Variants in SHBG observed in about 807,000 individuals in gnomAD.
SHBG encodes sex hormone binding globulin, also known as sex hormone-binding globulin.
A neutral mutation model predicts 41.9 loss-of-function variants in SHBG; 37 were observed. The ratio of observed to expected loss-of-function variants is 0.88; its 90% CI spans 0.68 to 1.16. SHBG has a LOEUF of 1.16. SHBG is among the 50% of genes most tolerant of loss of function. The pLI is 0.00. For missense variants in SHBG, 466 were observed against 499.9 expected (o/e 0.93, Z 0.65); for synonymous variants, 217 against 205.8 (o/e 1.05, Z -0.47).
At chr17:7,614,252 G>A (rs1463023252) in intron 1 of SHBG, 2 of 687,524 alleles carry the variant, frequency 2.9e-6, no homozygotes, top group Middle Eastern at 3.6e-4. Context: ...AGCAGGTGCA[G>A]GTGCCTTAGA....
At chr17:7,625,576 C>CA (rs973481317), upstream of SHBG, among the ~76,000 whole-genome samples, 195 of 146,436 alleles carry the variant, frequency 1.3e-3, no homozygotes, top group African/African-American at 4.7e-3. Flanking sequence ...GACTCTGTCT[C>CA]AAAAAAAATA....
chr17:7,631,296 C>T lies in SHBG; in HGVS notation c.490C>T (p.Arg164Cys), dbSNP rs368589266. 7 of 1,613,744 alleles carry T rather than the reference C, an allele frequency of 4.3e-6. No homozygotes were observed. Among genetic ancestry groups the T allele is most frequent in the Admixed American group, 1.7e-5 (1 of 59,970 alleles). ...GGTCTCTGGGCCCCTGACCAGCAAACGCCATCCCATCATGAGGATTGCGCT... is the reference window on the plus strand; with the variant it reads ...GGTCTCTGGGCCCCTGACCAGCAAATGCCATCCCATCATGAGGATTGCGCT... ...RQVSGPLTSK[R>C]HPIMRIALGG... The change falls in exon 4 of 8, where the codon CGC (arginine) becomes TGC (cysteine). Residue 164 changes from arginine (R) to cysteine (C), a missense_variant. Physicochemically the swap from Arg to Cys is radical, Grantham distance 180 (BLOSUM62 -3). Transcript: ENST00000380450.
At chr17:7,615,846 AAAAG>A (rs1034584604) in intron 1 of SHBG, among the ~76,000 whole-genome samples, 19 of 151,246 alleles carry the variant, frequency 1.3e-4, no homozygotes, top group South Asian at 2.1e-4. Flanking sequence ...AAAAAAAAAA[AAAAG>A]AAAGAAAGAA....
At chr17:7,622,429 C>T (rs534717864) in intron 1 of SHBG, among the ~76,000 whole-genome samples, 31 of 151,914 alleles carry the variant, frequency 2.0e-4, no homozygotes, top group Non-Finnish European at 3.5e-4. Flanking sequence ...CCCACCACCA[C>T]GCCCAGCTAA....
intron 1 of SHBG, among the ~76,000 whole-genome samples, chr17:7,617,476 G>A (rs1021936897): frequency 1.3e-5 from 2 of 151,888 alleles, no homozygotes; most frequent in African/African-American, 2.4e-5. Flanking sequence ...GGTGGCACGC[G>A]CTTGTAGTCC....
upstream of SHBG, chr17:7,627,548 GT>G (rs2072255668): frequency 2.9e-5 from 46 of 1,607,472 alleles, no homozygotes; most frequent in Non-Finnish European, 3.8e-5. This position sits in a 1 kb window ranked among gnomAD's most constrained non-coding sequence, Gnocchi z 4.8. Context: ...TGACCCCCGG[GT>G]TACCGGCCTG....
upstream of SHBG, among the ~76,000 whole-genome samples, chr17:7,623,796 C>T (rs1222251215): frequency 1.3e-5 from 2 of 152,116 alleles, no homozygotes; most frequent in Non-Finnish European, 2.9e-5. Context: ...AGGTCTCACT[C>T]TGTCACTCAG....
upstream of SHBG, chr17:7,626,476 C>G (rs775731181): frequency 9.3e-6 from 15 of 1,613,984 alleles, no homozygotes; most frequent in Non-Finnish European, 1.2e-5. Flanking sequence ...CTCGTTGCCT[C>G]TCCTTGAAAG....
rs1338931638 is a variant in SHBG at position 7,630,727 on chromosome 17, T to C, written c.251T>C (p.Ile84Thr). The C allele has an allele frequency of 6.2e-6, 10 of 1,614,026 alleles. No individual in the cohort carries two copies. In the Admixed American group the frequency reaches 1.7e-4, roughly 27 times the overall value. Residue 84 changes from isoleucine (I) to threonine (T), a missense_variant, in exon 3 of 8, where the codon ATT (isoleucine) becomes ACT (threonine). Transcript: ENST00000380450. The surrounding 1 kb of genome is among the most constrained non-coding windows in gnomAD (Gnocchi z 4.6). ...CGAACCTGGGACCCAGAGGGAGTGA[T>C]TTTTTATGGGGATACCAACCCTAAG... ...EVRTWDPEGV[I>T]FYGDTNPKDD...
Position 7,616,294 on chromosome 17 carries a change from A to G in SHBG, c.-62+2183A>G, listed in dbSNP as rs367782676. ...CCACCACACTCCAGCCTGGGCAATG[A>G]GTGAAATTTCTTCTTTAAAAATAAT... On this transcript the variant is annotated intron_variant, in intron 1 of 5. Transcript: ENST00000570547. 3.4e-5 allele frequency among the ~76,000 whole-genome samples: 5 copies of G among 148,764 alleles called. No homozygotes were observed. The East Asian group carries it at 5.9e-4, about 18-fold the overall frequency.
At position 7,630,826 on chromosome 17, in the gene SHBG, C is replaced by A. The variant is rs780176979; in HGVS notation, c.350C>A (p.Thr117Lys). The change falls in exon 3 of 8, where the codon ACG (threonine) becomes AAG (lysine). Residue 117 changes from threonine to lysine, a missense_variant. Physicochemically the swap from Thr to Lys is moderately conservative, Grantham distance 78. Coordinates refer to ENST00000380450, the MANE Select transcript of SHBG (RefSeq NM_001040.5). The surrounding 1 kb of genome is among the most constrained non-coding windows in gnomAD (Gnocchi z 4.6). ...CTGCACAATCACTGGGCCCAGCTTA[C>A]GGTGGGTGCTGGACCACGGCTGGAT... Reference protein sequence around the residue: ...IQLHNHWAQLTVGAGPRLDDG... With the variant: ...IQLHNHWAQLKVGAGPRLDDG... 1.9e-6 allele frequency: 3 copies of A among 1,613,864 alleles called. No individual in the cohort carries two copies. Among genetic ancestry groups the A allele is most frequent in the Non-Finnish European group, 2.5e-6 (3 of 1,180,012 alleles).
upstream of SHBG, chr17:7,627,053 G>C (rs978666717): frequency 6.2e-6 from 10 of 1,613,512 alleles, no homozygotes; most frequent in South Asian, 2.2e-5. The surrounding 1 kb of genome is among the most constrained non-coding windows in gnomAD (Gnocchi z 4.8). Context: ...CCCTGAGAGA[G>C]AGAAAAGGGG....
At chr17:7,614,695 C>A in intron 1 of SHBG, 1 of 328,632 alleles carries the variant, frequency 3.0e-6, no homozygotes, top group Non-Finnish European at 5.4e-6. Context: ...AGCCAACGAG[C>A]AGGGGGCCGG....
upstream of SHBG, among the ~76,000 whole-genome samples, chr17:7,625,005 A>G (rs1359427640): frequency 1.5e-5 from 2 of 134,574 alleles, no homozygotes. Flanking sequence ...GCTGGAGTGC[A>G]GTGGCATGAT....
intron 1 of SHBG, among the ~76,000 whole-genome samples, chr17:7,621,688 C>T (rs1343117657): frequency 2.1e-5 from 3 of 140,830 alleles, no homozygotes; most frequent in Admixed American, 7.2e-5. Context: ...AAATAAAGTA[C>T]ATAATGTATA....
At chr17:7,614,932 G>C (rs2071938953) in intron 1 of SHBG, 2 of 152,908 alleles carry the variant, frequency 1.3e-5, no homozygotes, top group African/African-American at 4.8e-5. Context: ...CTGCGCGCGG[G>C]GCCCCGAGGG....
Position 7,630,212 on chromosome 17 carries a change from C to A in SHBG, c.40C>A (p.Leu14Met). 6.2e-7 allele frequency: 1 copy of A among 1,612,942 alleles called. No homozygotes were observed. Among genetic ancestry groups the A allele is most frequent in the East Asian group, 2.2e-5 (1 of 44,818 alleles). The change falls in exon 1 of 8, where the codon CTG becomes ATG. Residue 14 changes from leucine to methionine, a missense_variant. Coordinates refer to ENST00000380450, the MANE Select transcript of SHBG (RefSeq NM_001040.5). This position sits in a 1 kb window ranked among gnomAD's most constrained non-coding sequence, Gnocchi z 4.6. ...CCCACTGGCTACCTCGCGCCTGCTG[C>A]TGTTGCTGCTGTTGCTACTACTGCG... ...RGPLATSRLL[L>M]LLLLLLLRHT...
At chr17:7,623,578 C>T (rs1337711454), upstream of SHBG, among the ~76,000 whole-genome samples, 1 of 152,166 alleles carries the variant, frequency 6.6e-6, no homozygotes, top group Admixed American at 6.6e-5. Context: ...CCCATCTCAG[C>T]CCCCCAGTAG....
rs772869584 is a variant in SHBG, at chr17:7,631,407, C to T, written c.555+46C>T. 9 of 1,602,062 alleles carry T rather than the reference C, an allele frequency of 5.6e-6. No homozygotes were observed. In the Admixed American group the frequency reaches 1.5e-4, roughly 27 times the overall value. On this transcript the variant is annotated intron_variant, in intron 4 of 7. Transcript: ENST00000380450. The stretch of plus-strand genomic sequence containing the variant: ...GAACCCTAGCCAAGACTTGGTAAAG[C>T]ACTGCTGGGTGGCTGGCCGTGGGAA...
Sources: allele counts gnomAD v4.1 joint callset (sites outside exome capture counted in the v4.1 genomes callset), GRCh38; gene constraint gnomAD v4.1.1; non-coding constraint Gnocchi (gnomAD v3.1); transcripts MANE v1.5; gene names NCBI Gene and HGNC (gene_info 2026-07-23, HGNC 2026-07-21).